The following ZNF544 variants were observed in gnomAD, a reference collection of about 807,000 sequenced individuals.
ZNF544 encodes the protein zinc finger protein AF020591.
Under a neutral mutation model 13.5 loss-of-function variants are expected in ZNF544, and 10 were observed. The observed-to-expected ratio is 0.74, with a 90% CI of 0.46 to 1.25. The LOEUF (loss-of-function observed/expected upper bound fraction) is 1.25. Ranked by LOEUF, ZNF544 falls within the 50% of genes most tolerant of loss-of-function variation. ZNF544 has a pLI of 0.00. For missense variants in ZNF544, 896 were observed against 845.6 expected, an observed-to-expected ratio of 1.06 and a Z score of -0.74; for synonymous variants, 323 against 300.5, an observed-to-expected ratio of 1.07 and a Z score of -0.77.
intron 3 of ZNF544, among the ~76,000 whole-genome samples, chr19:58,238,094 G>A (rs960549831): frequency 5.3e-5 from 8 of 152,134 alleles, no homozygotes; most frequent in Admixed American, 1.3e-4. Flanking sequence ...CACCACGCCC[G>A]GCTAATTTTG....
At position 58,261,299 on chromosome 19, in the gene ZNF544, T is replaced by C; in HGVS notation, c.693T>C (p.Leu231=). 6.2e-7 allele frequency: 1 copy of C among 1,614,174 alleles called. No homozygotes were observed. Among genetic ancestry groups the C allele is most frequent in the Non-Finnish European group, 8.5e-7 (1 of 1,180,034 alleles). ...GTCAGAGTATTTACTTGAGTAAACT[T>C]GGAAACGTTGAAACAGGAAAGAAAA... is the stretch of plus-strand genomic sequence containing the variant. ...AFCQSIYLSK[L]GNVETGKKNP... The change falls in exon 7 of 7, where the codon CTT becomes CTC. Residue 231 remains leucine, a synonymous_variant. Coordinates refer to ENST00000687789, the MANE Select transcript of ZNF544 (RefSeq NM_014480.4).
intron 3 of ZNF544, among the ~76,000 whole-genome samples, chr19:58,234,983 T>G (rs2042085434): frequency 6.6e-6 from 1 of 152,232 alleles, no homozygotes; most frequent in South Asian, 2.1e-4. Context: ...CAGGAAGATT[T>G]CTCTCTCTTT....
chr19:58,275,218 CT>C (rs1461050861), intron 5 of ZNF544, among the ~76,000 whole-genome samples: 1 of 152,154 alleles, frequency 6.6e-6, no homozygotes, highest in African/African-American at 2.4e-5. Context: ...CCCGTGTTTC[CT>C]TTCACTTTGC....
In ZNF544 at chr19:58,262,126, T is replaced by C; in HGVS notation, c.1520T>C (p.Leu507Pro). 6.2e-7 allele frequency: 1 copy of C among 1,612,650 alleles called. No individual in the cohort carries two copies. Among genetic ancestry groups the C allele is most frequent in the Non-Finnish European group, 8.5e-7 (1 of 1,179,778 alleles). Residue 507 changes from leucine to proline, a missense_variant, in exon 7 of 7, where the codon CTT becomes CCT. Leu to Pro is a moderately conservative substitution (Grantham distance 98, BLOSUM62 -3). Transcript: ENST00000687789. ...AAATCTTTCAGCCAGAAGTATGACC[T>C]TGTTGTACATCAGAGGACACACACT... ...CGKSFSQKYD[L>P]VVHQRTHTGE...
rs140181594 is a variant in ZNF544, at chr19:58,255,870, T to A, written c.245-4981T>A. Among the ~76,000 whole-genome samples, 224 of 152,342 alleles carry A rather than the reference T, an allele frequency of 1.5e-3. 1 individual carries two copies. The highest frequency in any genetic ancestry group is 0.01 in the Middle Eastern group (3 of 294). ...GCTATCCCCATTTACGCCTTGGCCT[T>A]CAGGCAACACCAGAGGGTGGCCCTG... On this transcript the variant is annotated intron_variant, in intron 6 of 6. Transcript: ENST00000687789.
At chr19:58,255,933 C>T (rs1390243960) in intron 6 of ZNF544, among the ~76,000 whole-genome samples, 2 of 152,196 alleles carry the variant, frequency 1.3e-5, no homozygotes, top group East Asian at 3.8e-4. Flanking sequence ...TAGTAGGAAA[C>T]GGCAGCTGAA....
intron 4 of ZNF544, 39 bp from the exon 5 acceptor site, chr19:58,246,262 A>G: frequency 6.2e-7 from 1 of 1,613,296 alleles, no homozygotes; most frequent in South Asian, 1.1e-5. Flanking sequence ...GGGCATGAGG[A>G]CCTGGGGTCT....
At chr19:58,273,214 A>G (rs759416949) in intron 5 of ZNF544, among the ~76,000 whole-genome samples, 14 of 152,228 alleles carry the variant, frequency 9.2e-5, no homozygotes, top group Middle Eastern at 3.4e-3. Flanking sequence ...CCAAAAAAGT[A>G]GAAAATCATA....
rs533427279 is a variant in ZNF544 at position 58,261,477 on chromosome 19, G to C, written c.871G>C (p.Val291Leu). 1.2e-6 allele frequency: 2 copies of C among 1,614,206 alleles called. No individual in the cohort carries two copies. The highest frequency in any genetic ancestry group is 2.2e-5 in the East Asian group (1 of 44,884). Residue 291 changes from valine to leucine, a missense_variant, in exon 7 of 7, where the codon GTG (valine) becomes CTG (leucine). Coordinates refer to ENST00000687789, the MANE Select transcript of ZNF544 (RefSeq NM_014480.4). The part of the protein sequence containing the change: ...HSVSLNEQKP[V>L]HFGKSQYECD... ...TGTGTCTCTGAATGAACAGAAGCCAGTGCATTTTGGGAAAAGTCAGTATGA... is the reference window on the plus strand; with the variant it reads ...TGTGTCTCTGAATGAACAGAAGCCACTGCATTTTGGGAAAAGTCAGTATGA...
At chr19:58,256,163 G>C (rs1173640049) in intron 6 of ZNF544, among the ~76,000 whole-genome samples, 1 of 152,122 alleles carries the variant, frequency 6.6e-6, no homozygotes, top group Non-Finnish European at 1.5e-5. Flanking sequence ...ATATGGAAAA[G>C]GGAAAACAAA....
intron 3 of ZNF544, among the ~76,000 whole-genome samples, chr19:58,240,030 C>T (rs1004680114): frequency 6.6e-6 from 1 of 152,130 alleles, no homozygotes; most frequent in African/African-American, 2.4e-5. Flanking sequence ...TCCAAACGAC[C>T]ATGTGGACCA....
intron 3 of ZNF544, among the ~76,000 whole-genome samples, chr19:58,233,542 T>G (rs1185220693): frequency 1.3e-5 from 2 of 152,190 alleles, no homozygotes; most frequent in African/African-American, 4.8e-5. Context: ...TATAATAAAT[T>G]ATTTTAAGTA....
At position 58,241,060 on chromosome 19, in the gene ZNF544, C is replaced by T. The variant is rs368145467; in HGVS notation, c.-59-2905C>T. Among the ~76,000 whole-genome samples, 168 of 133,622 alleles carry T rather than the reference C, an allele frequency of 1.3e-3. 1 individual carries two copies. Among genetic ancestry groups the T allele is most frequent in the Middle Eastern group, 4.2e-3 (1 of 238 alleles). 87.7% of individuals were successfully genotyped at this position (133,622 alleles called of 152,430 possible). A position where few individuals can be genotyped will look rare whatever the true frequency, so the allele number is the denominator to read the frequency against. On this transcript the variant is annotated intron_variant, in intron 3 of 6. Transcript: ENST00000687789. The stretch of plus-strand genomic sequence containing the variant: ...GATCACTACTCACTGCAATCTCAAC[C>T]TCCTGGGCTCAAGCAATCATCCTGC...
chr19:58,268,246 C>T (rs2147834441), downstream of ZNF544, among the ~76,000 whole-genome samples: 1 of 152,148 alleles, frequency 6.6e-6, no homozygotes, highest in East Asian at 1.9e-4. Flanking sequence ...TTGCAGTGAG[C>T]CGAGGTCTAG....
chr19:58,277,323 G>A (rs937344813), exon 7 of ZNF544: 139 of 1,159,872 alleles, frequency 1.2e-4, no homozygotes, highest in Non-Finnish European at 1.4e-4. Context: ...CAGCTCCTCC[G>A]TCCCCACTGG....
intron 5 of ZNF544, among the ~76,000 whole-genome samples, chr19:58,270,986 T>C (rs1176123268): frequency 1.3e-5 from 2 of 151,720 alleles, no homozygotes; most frequent in Non-Finnish European, 2.9e-5. Flanking sequence ...CTGAGGTGGG[T>C]GGATCACCTG....
chr19:58,267,991 A>AT (rs1206448193), downstream of ZNF544, among the ~76,000 whole-genome samples: 1 of 151,510 alleles, frequency 6.6e-6, no homozygotes, highest in Non-Finnish European at 1.5e-5. Flanking sequence ...AAAAAAAAAA[A>AT]GAGGGTTACC....
At chr19:58,243,889 G>A (rs549529116) in intron 3 of ZNF544, 76 bp from the exon 4 acceptor site, 2 of 1,251,332 alleles carry the variant, frequency 1.6e-6, no homozygotes, top group South Asian at 1.7e-5. Flanking sequence ...CCGGCCCCGC[G>A]TTCTCTAGGG....
At chr19:58,260,829 A>G (rs546188006) in intron 6 of ZNF544, 22 bp from the exon 7 acceptor site, 1 of 1,538,604 alleles carries the variant, frequency 6.5e-7, no homozygotes, top group Admixed American at 2.1e-5. Context: ...CCAGTAACTT[A>G]GGCATTTTGG....
Sources: gnomAD v4.1 joint callset for allele counts (sites outside exome capture counted in the v4.1 genomes callset) on GRCh38, gnomAD v4.1.1 for gene constraint, MANE v1.5 for transcripts, NCBI Gene and HGNC (gene_info 2026-07-23, HGNC 2026-07-21) for gene names.